The following SYT16 variants were observed in gnomAD, a reference collection of about 807,000 sequenced individuals.
SYT16 encodes synaptotagmin-16.
In SYT16, 42 loss-of-function variants were observed where a neutral mutation model predicts 61.4. The observed-to-expected ratio is 0.68, with a 90% CI of 0.53 to 0.89. SYT16 has a LOEUF of 0.89. Ranked by LOEUF, SYT16 falls within the 40% of genes least tolerant of loss-of-function variation. The pLI is 0.00. For synonymous variants in SYT16, 314 were observed against 302.3 expected (o/e 1.04, Z -0.40); for missense variants, 804 against 807.3 (o/e 1.00, Z 0.05).
At chr14:62,029,162 T>C (rs1371571439) in intron 3 of SYT16, among the ~76,000 whole-genome samples, 1 of 152,146 alleles carries the variant, frequency 6.6e-6, no homozygotes, top group East Asian at 1.9e-4. Context: ...ACAGTCCCGC[T>C]CTGTTGTCCA....
chr14:62,061,149 T>C (rs1175332050), intron 3 of SYT16, among the ~76,000 whole-genome samples: 1 of 152,150 alleles, frequency 6.6e-6, no homozygotes, highest in African/African-American at 2.4e-5. Flanking sequence ...ATGCAACGTG[T>C]AAATTTTGTA....
chr14:61,928,059 G>A (rs914036286), intron 1 of SYT16, among the ~76,000 whole-genome samples: 1 of 152,204 alleles, frequency 6.6e-6, no homozygotes, highest in African/African-American at 2.4e-5. Flanking sequence ...TACAAGAACT[G>A]TAATAGGTGT....
At chr14:61,865,035 G>T in intron 1 of SYT16, 1 of 1,411,344 alleles carries the variant, frequency 7.1e-7, no homozygotes. Flanking sequence ...CATTTCTGCT[G>T]TATTCGGCTG....
chr14:61,815,744 T>C (rs1393019210), intron 1 of SYT16, among the ~76,000 whole-genome samples: 1 of 152,262 alleles, frequency 6.6e-6, no homozygotes, highest in African/African-American at 2.4e-5. Flanking sequence ...GTCTGTTATA[T>C]AAAGTGGTGG....
chr14:61,860,048 A>G (rs187815661), intron 1 of SYT16, among the ~76,000 whole-genome samples: 3 of 152,288 alleles, frequency 2.0e-5, no homozygotes, highest in East Asian at 1.9e-4. Context: ...CTTCTCCTCA[A>G]TTAGGCTCAA....
chr14:61,913,871 T>C (rs1016703813), intron 1 of SYT16, among the ~76,000 whole-genome samples: 1 of 152,200 alleles, frequency 6.6e-6, no homozygotes, highest in African/African-American at 2.4e-5. Context: ...AACATAGCCT[T>C]GTCTGCAAAC....
At chr14:62,043,860 A>C (rs957718757) in intron 3 of SYT16, among the ~76,000 whole-genome samples, 2 of 152,018 alleles carry the variant, frequency 1.3e-5, no homozygotes, top group Admixed American at 1.3e-4. Flanking sequence ...TTTTGTAGAG[A>C]CAGAATCTTG....
At chr14:62,036,345 G>A (rs2054507609) in intron 3 of SYT16, among the ~76,000 whole-genome samples, 1 of 152,108 alleles carries the variant, frequency 6.6e-6, no homozygotes, top group Non-Finnish European at 1.5e-5. Flanking sequence ...GATGGGCAGG[G>A]TGGGGATGTG....
intron 3 of SYT16, among the ~76,000 whole-genome samples, chr14:62,057,512 A>G (rs1181221374): frequency 6.6e-6 from 1 of 152,198 alleles, no homozygotes; most frequent in Non-Finnish European, 1.5e-5. Context: ...ATAAATAGGA[A>G]TGCCAGAAGA....
intron 3 of SYT16, among the ~76,000 whole-genome samples, chr14:62,045,068 G>A (rs981676183): frequency 1.5e-4 from 23 of 152,146 alleles, no homozygotes; most frequent in African/African-American, 5.3e-4. Flanking sequence ...AACCTTGGAG[G>A]CAGAGGTTGC....
chr14:62,003,334 G>A (rs963394810), intron 3 of SYT16, among the ~76,000 whole-genome samples: 3 of 152,028 alleles, frequency 2.0e-5, no homozygotes, highest in Middle Eastern at 6.8e-3. Context: ...TTCTAAGTGG[G>A]CTTGAATTTC....
At chr14:61,984,421 C>CATTTTCCTATCACTTGGAAG (rs1161129173) in intron 2 of SYT16, among the ~76,000 whole-genome samples, 2 of 152,154 alleles carry the variant, frequency 1.3e-5, no homozygotes, top group Non-Finnish European at 2.9e-5. Flanking sequence ...TGTGAAATGT[C>CATTTTCCTATCACTTGGAAG]ATTTTCCTAT....
chr14:62,049,124 T>G (rs944609641), intron 3 of SYT16, among the ~76,000 whole-genome samples: 2 of 152,172 alleles, frequency 1.3e-5, no homozygotes, highest in African/African-American at 4.8e-5. Context: ...TCTCTTTTTA[T>G]GTCACTAAGG....
chr14:61,819,696 T>C (rs2045554844), intron 1 of SYT16, among the ~76,000 whole-genome samples: 1 of 152,212 alleles, frequency 6.6e-6, no homozygotes, highest in Non-Finnish European at 1.5e-5. Context: ...AGGTTTTCAA[T>C]TGGCTTAGCT....
At chr14:62,057,276 C>T (rs1187167346) in intron 3 of SYT16, among the ~76,000 whole-genome samples, 1 of 152,172 alleles carries the variant, frequency 6.6e-6, no homozygotes, top group Non-Finnish European at 1.5e-5. Flanking sequence ...CAATATTAAC[C>T]ATCACAATAG....
At chr14:61,958,645 T>C (rs2050981562) in intron 1 of SYT16, among the ~76,000 whole-genome samples, 1 of 152,202 alleles carries the variant, frequency 6.6e-6, no homozygotes, top group East Asian at 1.9e-4. Context: ...TTCTTAAGTT[T>C]GTTAAGAATT....
chr14:61,936,090 T>C (rs544083987), intron 1 of SYT16, among the ~76,000 whole-genome samples: 23 of 152,082 alleles, frequency 1.5e-4, no homozygotes, highest in Middle Eastern at 3.2e-3. Flanking sequence ...TACATATTAT[T>C]ATATGAATCA....
At chr14:62,047,653 A>G (rs1442058283) in intron 3 of SYT16, among the ~76,000 whole-genome samples, 1 of 127,780 alleles carries the variant, frequency 7.8e-6, no homozygotes, top group Admixed American at 7.0e-5. Flanking sequence ...TGTCCCATCA[A>G]TAACTAATTT....
chr14:61,937,287 T>G (rs1369160133), intron 1 of SYT16, among the ~76,000 whole-genome samples: 1 of 152,254 alleles, frequency 6.6e-6, no homozygotes, highest in South Asian at 2.1e-4. Context: ...CAGTTTGAAA[T>G]GTTTTCTCTC....
Sources: allele counts gnomAD v4.1 joint callset (sites outside exome capture counted in the v4.1 genomes callset), GRCh38; gene constraint gnomAD v4.1.1; transcripts MANE v1.5; gene names NCBI Gene and HGNC (gene_info 2026-07-23, HGNC 2026-07-21).